AP2A2: variants seen among roughly 807,000 people sequenced by gnomAD.
AP2A2 encodes the protein adaptor related protein complex 2 subunit alpha 2.
Under a neutral mutation model 104.2 loss-of-function variants are expected in AP2A2, and 32 were observed. That is an observed-to-expected ratio of 0.31 (90% confidence interval 0.23 to 0.41). The LOEUF (loss-of-function observed/expected upper bound fraction) is 0.41. Among genes scored for constraint, AP2A2 ranks in the 10% least tolerant of loss-of-function variants. The probability of loss-of-function intolerance (pLI) is 1.00; values close to 1 mark genes in which losing one functional copy is unlikely to be tolerated. For missense variants in AP2A2, 912 were observed against 1,261.0 expected (o/e 0.72, Z 4.19); for synonymous variants, 539 against 533.3 (o/e 1.01, Z -0.15).
Position 970,299 on chromosome 11 carries a change from G to A in AP2A2, c.267G>A (p.Thr89=), listed in dbSNP as rs201774753. ...ACCTGCTGAGTTCAAACAGATACAC[G>A]GAAAAGCAGATCGTGAGTATCGCTG... ...AVNLLSSNRY[T]EKQIGYLFIS... The change falls in exon 3 of 22, where the codon ACG becomes ACA. Residue 89 remains threonine (T), a synonymous_variant. Coordinates refer to ENST00000448903, the MANE Select transcript of AP2A2 (RefSeq NM_012305.4). The A allele has an allele frequency of 1.4e-5, 23 of 1,613,622 alleles. No individual in the cohort carries two copies. The highest frequency in any genetic ancestry group is 2.2e-5 in the South Asian group (2 of 91,016).
intron 6 of AP2A2, 192 bp downstream of exon 6, chr11:981,491 G>T: frequency 1.8e-6 from 1 of 569,426 alleles, no homozygotes; most frequent in Non-Finnish European, 3.1e-6. Context: ...CTGTTCCCAT[G>T]GTGTGAGTGA....
chr11:954,842 G>A (rs1325307711), intron 1 of AP2A2, among the ~76,000 whole-genome samples: 1 of 152,122 alleles, frequency 6.6e-6, no homozygotes, highest in Non-Finnish European at 1.5e-5. Context: ...GGGGTTAACT[G>A]CCTGTTTCTC....
rs1180920148 is a variant in AP2A2, at chr11:995,318, G to A, written c.1956+1073G>A. 1.3e-5 allele frequency: 6 copies of A among 455,830 alleles called. No homozygotes were observed. In the East Asian group the frequency reaches 3.5e-4, roughly 26 times the overall value. 28.2% of individuals were successfully genotyped at this position (455,830 alleles called of 1,614,324 possible). ...GATGAGAATAATCCTGTAACAGAAT[G>A]TGTCCTGTGGTATTTGTCAGGTGAG... On this transcript the variant is annotated intron_variant, in intron 14 of 21. Coordinates refer to ENST00000448903, the MANE Select transcript of AP2A2 (RefSeq NM_012305.4).
intron 10 of AP2A2, among the ~76,000 whole-genome samples, chr11:991,573 G>T (rs1033454650): frequency 1.3e-5 from 2 of 152,212 alleles, no homozygotes; most frequent in Admixed American, 1.3e-4. Flanking sequence ...CTGCCAGTGA[G>T]GCCTGAGGGC....
At chr11:940,878 C>T (rs1853623760) in intron 1 of AP2A2, 1 of 456,228 alleles carries the variant, frequency 2.2e-6, no homozygotes, top group South Asian at 1.5e-5. Context: ...GGACTCTCGA[C>T]TCTCTTCTCT....
intron 9 of AP2A2, 71 bp downstream of exon 9, chr11:987,024 G>T: frequency 6.7e-7 from 1 of 1,495,636 alleles, no homozygotes. Context: ...GAAGGCTGGG[G>T]GTACGCAGTG....
chr11:986,718 C>CA (rs1855470935), intron 8 of AP2A2, 67 bp from the exon 9 acceptor site: 1 of 1,557,558 alleles, frequency 6.4e-7, no homozygotes, highest in South Asian at 1.2e-5. Flanking sequence ...TCGGGGAACG[C>CA]AGACTCTGTC....
In AP2A2 at chr11:1,008,092, G is replaced by A. The variant is rs370984986; in HGVS notation, c.2377G>A (p.Val793Met). The change falls in exon 18 of 22, where the codon GTG (valine) becomes ATG (methionine). Residue 793 changes from valine (V) to methionine (M), a missense_variant. Val to Met is a conservative substitution (Grantham distance 21, BLOSUM62 1). This residue lies in a region of AP2A2 where 239 missense variants were observed against 329.8 expected (regional missense o/e 0.72). Transcript: ENST00000448903. The part of the protein sequence containing the change: ...QVQQVVNIEC[V>M]SDFTEAPVLN... ...GCAGCAGGTGGTCAACATAGAGTGC[G>A]TGTCCGACTTCACGGAGGCGCCAGT... 6.2e-6 allele frequency: 10 copies of A among 1,604,658 alleles called. No individual in the cohort carries two copies. The highest frequency in any genetic ancestry group is 8.5e-6 in the Non-Finnish European group (10 of 1,176,448).
chr11:977,262 G>T (rs1358880219), intron 5 of AP2A2, 38 bp downstream of exon 5: 3 of 1,548,428 alleles, frequency 1.9e-6, no homozygotes, highest in Non-Finnish European at 2.6e-6. Context: ...CGCTCCCCCA[G>T]GTGACCTTTG....
chr11:989,135 A>C (rs1174459655), intron 10 of AP2A2, among the ~76,000 whole-genome samples: 1 of 152,204 alleles, frequency 6.6e-6, no homozygotes, highest in African/African-American at 2.4e-5. Flanking sequence ...CAGCCTGACA[A>C]ACATGGGGAA....
chr11:984,704 C>T lies in AP2A2; in HGVS notation c.765C>T (p.Pro255=), dbSNP rs1385144687. 1 of 1,613,598 alleles carries T rather than the reference C, an allele frequency of 6.2e-7. No individual in the cohort carries two copies. The highest frequency in any genetic ancestry group is 8.5e-7 in the Non-Finnish European group (1 of 1,179,856). ...ACACTTACTATTTTGTCCCGGCTCC[C>T]TGGCTGTCTGTCAAACTGCTGAGAC... is the stretch of plus-strand genomic sequence containing the variant. ...QDYTYYFVPA[P]WLSVKLLRLL... is the part of the protein sequence containing the mutation. The change falls in exon 7 of 22, where the codon CCC becomes CCT. Residue 255 remains proline (P), a synonymous_variant. Transcript: ENST00000448903.
At chr11:998,777 A>G (rs985603613) in intron 14 of AP2A2, among the ~76,000 whole-genome samples, 7 of 152,024 alleles carry the variant, frequency 4.6e-5, no homozygotes, top group African/African-American at 1.7e-4. Context: ...GGCTCACTGC[A>G]ATCTCCGCCT....
In AP2A2 at chr11:992,492, GT is replaced by G. The variant is rs1564814605; in HGVS notation, c.1270-10del. On this transcript the variant is annotated splice_polypyrimidine_tract_variant and intron_variant, in intron 10 of 21. Transcript: ENST00000448903. The surrounding 1 kb of genome is among the most constrained non-coding windows in gnomAD (Gnocchi z 6.4). Reference sequence around the variant, plus strand: ...TGCAGGTGCCGGCCCTCAGCAGCCTGTCCCCCACAGGTGCTGAAGGTCGCCA... The same window carrying G: ...TGCAGGTGCCGGCCCTCAGCAGCCTGCCCCCACAGGTGCTGAAGGTCGCCA... The G allele has an allele frequency of 6.3e-7, 1 of 1,575,348 alleles. No individual in the cohort carries two copies. Among genetic ancestry groups the G allele is most frequent in the South Asian group, 1.2e-5 (1 of 86,254 alleles).
At chr11:941,670 C>A (rs538344802) in intron 1 of AP2A2, among the ~76,000 whole-genome samples, 7 of 151,684 alleles carry the variant, frequency 4.6e-5, no homozygotes, top group Middle Eastern at 6.8e-3. Flanking sequence ...TCACTGCAAT[C>A]TCTGACTCCC....
intron 1 of AP2A2, chr11:940,918 C>A (rs1378328291): frequency 6.6e-6 from 3 of 455,958 alleles, no homozygotes; most frequent in Non-Finnish European, 1.3e-5. Context: ...TGTTGTGAGC[C>A]CGGCTGCCAT....
chr11:1,005,705 T>A (rs1193620923), intron 16 of AP2A2, among the ~76,000 whole-genome samples: 1 of 152,004 alleles, frequency 6.6e-6, no homozygotes, highest in Non-Finnish European at 1.5e-5. Context: ...CCGCCAGGGG[T>A]CTGTTAGAAA....
At position 993,398 on chromosome 11, in the gene AP2A2, G is replaced by T. The variant is rs536241471; in HGVS notation, c.1550+17G>T. On this transcript the variant is annotated intron_variant, in intron 12 of 21. Transcript: ENST00000448903. This position sits in a 1 kb window ranked among gnomAD's most constrained non-coding sequence, Gnocchi z 8.2. ...GAGATCCAGGTGAGAGGCCCTTTGC[G>T]AGTCGGGGCTGTGTGCGCTCCGGCG... The T allele has an allele frequency of 7.8e-5, 124 of 1,593,120 alleles. No individual in the cohort carries two copies. The South Asian group carries it at 1.4e-3, about 17-fold the overall frequency.
At position 984,647 on chromosome 11, in the gene AP2A2, C is replaced by G. The variant is rs765985458; in HGVS notation, c.708C>G (p.Ile236Met). ...VSLAVSRLSRIVTSASTDLQD... is the reference protein window; with the variant it reads ...VSLAVSRLSRMVTSASTDLQD... The stretch of plus-strand genomic sequence containing the variant: ...TCATTGCCTGTGCTGTCTTACAGAT[C>G]GTGACGTCTGCATCCACAGATCTCC... Residue 236 changes from isoleucine (I) to methionine (M), a missense_variant and splice_region_variant, in exon 7 of 22, where the codon ATC (isoleucine) becomes ATG (methionine). Ile to Met is a conservative substitution (Grantham distance 10, BLOSUM62 1). Around this residue, in one of 7 missense-constraint regions of AP2A2, gnomAD observed 350 missense variants for 487.0 expected, o/e 0.72. Transcript: ENST00000448903. 1 of 1,610,326 alleles carries G rather than the reference C, an allele frequency of 6.2e-7. No homozygotes were observed. The highest frequency in any genetic ancestry group is 8.5e-7 in the Non-Finnish European group (1 of 1,177,008).
chr11:947,567 G>A (rs1047119505), intron 1 of AP2A2, among the ~76,000 whole-genome samples: 4 of 151,958 alleles, frequency 2.6e-5, no homozygotes, highest in African/African-American at 9.7e-5. Context: ...AGGCCGAGGT[G>A]GGCGGATCAC....
Sources: gnomAD v4.1 joint callset for allele counts (sites outside exome capture counted in the v4.1 genomes callset) on GRCh38, gnomAD v4.1.1 for gene constraint, gnomAD v4.1.1 regional missense constraint, Gnocchi (gnomAD v3.1) non-coding constraint, MANE v1.5 for transcripts, NCBI Gene and HGNC (gene_info 2026-07-23, HGNC 2026-07-21) for gene names.